The following CSMD3 variants were observed in gnomAD, a reference collection of about 807,000 sequenced individuals.
CSMD3 encodes the protein CUB and Sushi multiple domains 3.
Under a neutral mutation model 435.2 loss-of-function variants are expected in CSMD3, and 177 were observed. That is an observed-to-expected ratio of 0.41 (90% CI 0.36 to 0.46). CSMD3 has a LOEUF of 0.46. Among genes scored for constraint, CSMD3 ranks in the 20% least tolerant of loss-of-function variants. CSMD3 has a pLI of 0.34. For synonymous variants in CSMD3, 1,656 were observed against 1,520.5 expected (o/e 1.09, Z -2.07); for missense variants, 4,265 against 4,504.6 (o/e 0.95, Z 1.52).
intron 1 of CSMD3, among the ~76,000 whole-genome samples, chr8:113,381,009 G>T (rs1248172086): frequency 6.6e-6 from 1 of 152,176 alleles, no homozygotes; most frequent in African/African-American, 2.4e-5. Context: ...AGCTCTTTCA[G>T]CTAGGAATAG....
intron 59 of CSMD3, among the ~76,000 whole-genome samples, chr8:112,271,300 G>C (rs1375608045): frequency 6.6e-6 from 1 of 152,072 alleles, no homozygotes; most frequent in Admixed American, 6.6e-5. Context: ...TTTTACAAAT[G>C]GTCGTTTCAT....
intron 5 of CSMD3, among the ~76,000 whole-genome samples, chr8:113,037,762 G>C (rs1157961882): frequency 6.6e-6 from 1 of 151,850 alleles, no homozygotes; most frequent in East Asian, 1.9e-4. Context: ...GCAAGGATCA[G>C]ACAATGGATT....
chr8:112,911,370 T>C (rs1284877203), intron 10 of CSMD3, among the ~76,000 whole-genome samples: 1 of 151,896 alleles, frequency 6.6e-6, no homozygotes, highest in Non-Finnish European at 1.5e-5. Flanking sequence ...AATATACCCA[T>C]CACCTCACAT....
intron 32 of CSMD3, among the ~76,000 whole-genome samples, chr8:112,468,044 T>C (rs890925421): frequency 7.2e-5 from 11 of 152,158 alleles, no homozygotes; most frequent in Non-Finnish European, 1.5e-4. Context: ...AAGAAGAGGA[T>C]GACTGAAGAG....
intron 2 of CSMD3, chr8:113,313,681 T>C (rs1377134086): frequency 2.0e-5 from 3 of 152,178 alleles, no homozygotes; most frequent in Admixed American, 6.5e-5. Context: ...CATCAGAGAA[T>C]CATAACTCAA....
intron 23 of CSMD3, among the ~76,000 whole-genome samples, chr8:112,582,767 CTT>C (rs1830428942): frequency 6.6e-6 from 1 of 151,904 alleles, no homozygotes; most frequent in African/African-American, 2.4e-5. Flanking sequence ...GAAGTGAGGC[CTT>C]TGGGAGGCTA....
intron 52 of CSMD3, among the ~76,000 whole-genome samples, chr8:112,304,333 A>G (rs1373315352): frequency 1.3e-5 from 2 of 151,692 alleles, no homozygotes; most frequent in African/African-American, 2.4e-5. Flanking sequence ...TCTATCATTT[A>G]TAGGCTCTCT....
intron 37 of CSMD3, among the ~76,000 whole-genome samples, chr8:112,382,394 A>G (rs1053021185): frequency 3.3e-5 from 5 of 151,850 alleles, no homozygotes; most frequent in Admixed American, 2.6e-4. Context: ...TAAGATTTCT[A>G]TCTAAATCTA....
At chr8:112,915,746 A>C (rs1373556129) in intron 10 of CSMD3, among the ~76,000 whole-genome samples, 1 of 151,862 alleles carries the variant, frequency 6.6e-6, no homozygotes, top group Non-Finnish European at 1.5e-5. Context: ...GGCACTGAAC[A>C]AATTTGAAAC....
chr8:112,467,578 T>C (rs2130721663), intron 32 of CSMD3, among the ~76,000 whole-genome samples: 1 of 152,242 alleles, frequency 6.6e-6, no homozygotes, highest in East Asian at 1.9e-4. Flanking sequence ...CCCCAAAATT[T>C]ATGTTCACCA....
At chr8:113,198,082 A>G (rs910972119) in intron 3 of CSMD3, among the ~76,000 whole-genome samples, 2 of 151,452 alleles carry the variant, frequency 1.3e-5, no homozygotes, top group Non-Finnish European at 3.0e-5. Flanking sequence ...ACATCTAAAA[A>G]GATTAATGCA....
At chr8:113,054,284 C>T (rs2088223112) in intron 5 of CSMD3, among the ~76,000 whole-genome samples, 2 of 152,104 alleles carry the variant, frequency 1.3e-5, no homozygotes, top group African/African-American at 4.8e-5. Flanking sequence ...CATAACTAAA[C>T]ATTTTGAGAG....
At chr8:113,402,964 A>C (rs539720056) in intron 1 of CSMD3, among the ~76,000 whole-genome samples, 6 of 151,364 alleles carry the variant, frequency 4.0e-5, no homozygotes, top group African/African-American at 1.4e-4. Flanking sequence ...CAAGTGCACT[A>C]TTGGCTTCAA....
At chr8:112,494,778 G>C (rs1257100549) in intron 30 of CSMD3, among the ~76,000 whole-genome samples, 1 of 152,062 alleles carries the variant, frequency 6.6e-6, no homozygotes, top group African/African-American at 2.4e-5. Flanking sequence ...GGTATCTAAA[G>C]TGAGCATTGA....
chr8:112,638,647 G>T, intron 21 of CSMD3, 49 bp downstream of exon 21: 1 of 1,099,648 alleles, frequency 9.1e-7, no homozygotes, highest in Non-Finnish European at 1.4e-6. Flanking sequence ...TTGAAAAATT[G>T]CTTTTTTAAA....
intron 4 of CSMD3, among the ~76,000 whole-genome samples, chr8:113,111,458 A>T (rs2090636775): frequency 6.6e-6 from 1 of 152,030 alleles, no homozygotes; most frequent in East Asian, 1.9e-4. Flanking sequence ...AGTTTATCTG[A>T]AACTTTTTAC....
chr8:113,168,354 C>T (rs6993242), intron 4 of CSMD3, among the ~76,000 whole-genome samples: 23 of 151,682 alleles, frequency 1.5e-4, no homozygotes, highest in Admixed American at 4.6e-4. Flanking sequence ...AACCCTGTCT[C>T]TACTGAAAAA....
At chr8:113,169,516 T>A (rs2092227917) in intron 4 of CSMD3, among the ~76,000 whole-genome samples, 1 of 152,114 alleles carries the variant, frequency 6.6e-6, no homozygotes, top group Admixed American at 6.6e-5. Flanking sequence ...ACTCAAATCA[T>A]CAATACAATA....
intron 32 of CSMD3, among the ~76,000 whole-genome samples, chr8:112,444,517 A>G (rs1299652012): frequency 1.3e-5 from 2 of 152,236 alleles, no homozygotes; most frequent in African/African-American, 4.8e-5. Flanking sequence ...GATATTACCC[A>G]GAAATTTAAA....
Sources: allele counts gnomAD v4.1 joint callset (sites outside exome capture counted in the v4.1 genomes callset), GRCh38; gene constraint gnomAD v4.1.1; transcripts MANE v1.5; gene names NCBI Gene and HGNC (gene_info 2026-07-23, HGNC 2026-07-21).